Variants in COG6 observed in about 807,000 individuals in gnomAD.
The protein encoded by COG6 is conserved oligomeric Golgi complex subunit 6.
A neutral mutation model predicts 88.8 loss-of-function variants in COG6; 74 were observed. That is an observed-to-expected ratio of 0.83 (90% CI 0.69 to 1.01). COG6 has a LOEUF of 1.01. COG6 is among the 50% of genes least tolerant of loss of function. The pLI is 0.00. For synonymous variants in COG6, 286 were observed against 278.7 expected, an observed-to-expected ratio of 1.03 and a Z score of -0.26; for missense variants, 800 against 797.9, an observed-to-expected ratio of 1.00 and a Z score of -0.03.
At chr13:39,786,797 T>C (rs184042420) in intron 18 of COG6, among the ~76,000 whole-genome samples, 291 of 152,236 alleles carry the variant, frequency 1.9e-3, no homozygotes, top group African/African-American at 6.6e-3. Flanking sequence ...GAAGCAAAAC[T>C]TTTACTTGTT....
intron 18 of COG6, among the ~76,000 whole-genome samples, chr13:39,746,371 T>A (rs1010825435): frequency 1.3e-5 from 2 of 152,068 alleles, no homozygotes; most frequent in African/African-American, 4.8e-5. Context: ...ATCAAAATAG[T>A]AAGTAAGTAA....
At chr13:39,730,025 A>G (rs1879349274) in intron 18 of COG6, among the ~76,000 whole-genome samples, 1 of 152,186 alleles carries the variant, frequency 6.6e-6, no homozygotes, top group Non-Finnish European at 1.5e-5. Flanking sequence ...ATTGAAGACA[A>G]TATTTTAGTT....
In COG6 at chr13:39,660,335, A is replaced by G. The variant is rs1443459584; in HGVS notation, c.298-475A>G. 5.3e-5 allele frequency among the ~76,000 whole-genome samples: 8 copies of G among 152,264 alleles called. No homozygotes were observed. In the East Asian group the frequency reaches 5.8e-4, roughly 11 times the overall value. ...CTCAGTTTCCCAAGTAACTGGGACTACAGGTGCCTGCCACCATGCCTGGCT... is the reference window on the plus strand; with the variant it reads ...CTCAGTTTCCCAAGTAACTGGGACTGCAGGTGCCTGCCACCATGCCTGGCT... On this transcript the variant is annotated intron_variant, in intron 2 of 18. Coordinates refer to ENST00000455146, the MANE Select transcript of COG6 (RefSeq NM_020751.3).
intron 3 of COG6, among the ~76,000 whole-genome samples, chr13:39,661,904 T>C (rs1047456023): frequency 6.6e-6 from 1 of 151,708 alleles, no homozygotes; most frequent in Non-Finnish European, 1.5e-5. Flanking sequence ...TTCTATATTG[T>C]ACTTTTGTGT....
At position 39,669,663 on chromosome 13, in the gene COG6, T is replaced by C. The variant is rs538731486; in HGVS notation, c.428+4509T>C. ...AAAATAAGCATTGTATTGGAGCTTGTAATATGGGGCTCTAAATAATGTATA... is the reference window on the plus strand; with the variant it reads ...AAAATAAGCATTGTATTGGAGCTTGCAATATGGGGCTCTAAATAATGTATA... On this transcript the variant is annotated intron_variant, in intron 4 of 18. Transcript: ENST00000455146. Among the ~76,000 whole-genome samples the C allele has an allele frequency of 1.8e-4, 27 of 152,194 alleles. 1 individual carries two copies. The highest frequency in any genetic ancestry group is 3.4e-4 in the Non-Finnish European group (23 of 68,016).
intron 2 of COG6, 63 bp downstream of exon 2, chr13:39,659,570 A>C (rs1874765522): frequency 6.9e-7 from 1 of 1,444,376 alleles, no homozygotes. Flanking sequence ...GCTCTGTGCT[A>C]AGTATTTTTT....
Position 39,751,712 on chromosome 13 carries a change from G to T in COG6, c.*619G>T. Reference sequence around the variant, plus strand: ...TATATTTGACTGTGTACATTCTTATGCAATTTTAAGTATACACTCAGCAAT... The same window carrying T: ...TATATTTGACTGTGTACATTCTTATTCAATTTTAAGTATACACTCAGCAAT... On this transcript the variant is annotated 3_prime_UTR_variant, in exon 19 of 19. Transcript: ENST00000455146. 7.8e-7 allele frequency: 1 copy of T among 1,286,846 alleles called. No individual in the cohort carries two copies. Among genetic ancestry groups the T allele is most frequent in the Non-Finnish European group, 1.0e-6 (1 of 988,488 alleles). 79.7% of individuals were successfully genotyped at this position (1,286,846 alleles called of 1,614,324 possible). A position where few individuals can be genotyped will look rare whatever the true frequency, so the allele number is the denominator to read the frequency against.
intron 18 of COG6, among the ~76,000 whole-genome samples, chr13:39,764,086 G>T (rs537925003): frequency 6.6e-6 from 1 of 151,814 alleles, no homozygotes; most frequent in African/African-American, 2.4e-5. Flanking sequence ...CTAAATAGAC[G>T]TAAAACTGTT....
intron 18 of COG6, among the ~76,000 whole-genome samples, chr13:39,763,240 G>A (rs1291215909): frequency 6.6e-6 from 1 of 151,598 alleles, no homozygotes; most frequent in Non-Finnish European, 1.5e-5. Context: ...AATTGTAAGC[G>A]TTATTTGTGT....
At chr13:39,702,004 G>C (rs754729455) in intron 13 of COG6, among the ~76,000 whole-genome samples, 50 of 151,960 alleles carry the variant, frequency 3.3e-4, no homozygotes, top group Non-Finnish European at 6.3e-4. Context: ...AAGAAAATTA[G>C]AAGTTTTTAG....
At chr13:39,705,102 C>A (rs1467157592) in intron 13 of COG6, among the ~76,000 whole-genome samples, 1 of 152,100 alleles carries the variant, frequency 6.6e-6, no homozygotes, top group Non-Finnish European at 1.5e-5. Flanking sequence ...AACACTGTAG[C>A]TTTATGAAGA....
In COG6 at chr13:39,684,243, A is replaced by ATTTTT. The variant is rs1203671335; in HGVS notation, c.788+2000_788+2004dup. Among the ~76,000 whole-genome samples the ATTTTT allele has an allele frequency of 4.5e-3, 305 of 67,360 alleles. 66 individuals carry two copies. The highest frequency in any genetic ancestry group is 0.04 in the East Asian group (66 of 1,670). The allele number at this position is 67,360 out of a possible 152,430, so 44.2% of individuals were successfully genotyped here. On this transcript the variant is annotated intron_variant, in intron 8 of 18. Transcript: ENST00000455146. ...GGGGGCAGTAATGGCAATTTGGAAGATTTTTTTTTTTTTTTTTTTTTTTTT... is the reference window on the plus strand; with the variant it reads ...GGGGGCAGTAATGGCAATTTGGAAGATTTTTTTTTTTTTTTTTTTTTTTTTTTTTT...
At chr13:39,742,932 A>T (rs913138730) in intron 18 of COG6, among the ~76,000 whole-genome samples, 2 of 152,230 alleles carry the variant, frequency 1.3e-5, no homozygotes, top group African/African-American at 4.8e-5. Flanking sequence ...ATCAAACTAG[A>T]ACTCAGGATT....
chr13:39,785,345 A>G (rs1359568316), intron 18 of COG6: 1 of 152,226 alleles, frequency 6.6e-6, no homozygotes, highest in Admixed American at 6.5e-5. Context: ...TTATCTGGCC[A>G]TGTGAGAAAT....
intron 1 of COG6, chr13:39,656,157 T>A (rs3812888): frequency 3.3e-6 from 2 of 598,378 alleles, no homozygotes; most frequent in African/African-American, 3.7e-5. Flanking sequence ...TGAACGGTGG[T>A]GCCTCGAGAA....
Position 39,750,987 on chromosome 13 carries a change from C to G in COG6, c.1868C>G (p.Ala623Gly). The G allele has an allele frequency of 6.2e-7, 1 of 1,613,462 alleles. No individual in the cohort carries two copies. Among genetic ancestry groups the G allele is most frequent in the Non-Finnish European group, 8.5e-7 (1 of 1,179,732 alleles). Reference protein sequence around the residue: ...VKQSTELVCRAYGEVYAAVMN... With the variant: ...VKQSTELVCRGYGEVYAAVMN... Reference sequence around the variant, plus strand: ...CAATCTACAGAATTAGTCTGCAGAGCCTATGGTGAAGTGTATGCAGCCGTG... The same window carrying G: ...CAATCTACAGAATTAGTCTGCAGAGGCTATGGTGAAGTGTATGCAGCCGTG... Residue 623 changes from alanine (A) to glycine (G), a missense_variant, in exon 19 of 19, where the codon GCC becomes GGC. By Grantham distance (60) the Ala-to-Gly change is moderately conservative. Coordinates refer to ENST00000455146, the MANE Select transcript of COG6 (RefSeq NM_020751.3).
chr13:39,781,668 C>T (rs924609556), intron 18 of COG6, among the ~76,000 whole-genome samples: 1 of 152,066 alleles, frequency 6.6e-6, no homozygotes, highest in Non-Finnish European at 1.5e-5. Flanking sequence ...CCCATTTCCT[C>T]TGTCTGGGTT....
intron 18 of COG6, among the ~76,000 whole-genome samples, chr13:39,733,109 TGTTTTGAAATAAAC>T (rs1287700578): frequency 6.6e-6 from 1 of 151,538 alleles, no homozygotes; most frequent in Non-Finnish European, 1.5e-5. Flanking sequence ...GTGAAATAAA[TGTTTTGAAATAAAC>T]GAAAGTAGAG....
intron 11 of COG6, 79 bp downstream of exon 11, chr13:39,689,903 A>G: frequency 1.2e-6 from 1 of 848,918 alleles, no homozygotes; most frequent in South Asian, 1.5e-5. Flanking sequence ...TAAGAAACTG[A>G]TACCAGCTCA....
Sources: allele counts gnomAD v4.1 joint callset (sites outside exome capture counted in the v4.1 genomes callset), GRCh38; gene constraint gnomAD v4.1.1; transcripts MANE v1.5; gene names NCBI Gene and HGNC (gene_info 2026-07-23, HGNC 2026-07-21).